The following DST variants were observed in gnomAD, a reference collection of about 807,000 sequenced individuals.
DST encodes the protein dystonin, also known as bullous pemphigoid antigen.
DST carries 253 observed loss-of-function variants against 875.2 expected under a neutral mutation model. That is an observed-to-expected ratio of 0.29 (90% CI 0.26 to 0.32). The LOEUF (loss-of-function observed/expected upper bound fraction) is 0.32, where lower values mean the gene tolerates loss of function less well. Ranked by LOEUF, DST falls within the 10% of genes least tolerant of loss-of-function variation. DST has a pLI of 1.00. For missense variants in DST, 8,287 were observed against 9,111.6 expected (o/e 0.91, Z 3.68); for synonymous variants, 3,124 against 3,197.1 (o/e 0.98, Z 0.77).
At chr6:56,648,201 C>A (rs985793648) in intron 13 of DST, among the ~76,000 whole-genome samples, 10 of 152,042 alleles carry the variant, frequency 6.6e-5, no homozygotes, top group Non-Finnish European at 1.3e-4. Flanking sequence ...CACAGGCACA[C>A]CCCCAATCCA....
intron 9 of DST, among the ~76,000 whole-genome samples, chr6:56,691,196 A>G (rs1206988304): frequency 2.0e-5 from 3 of 152,200 alleles, no homozygotes; most frequent in Non-Finnish European, 4.4e-5. Context: ...GTGAAATTAA[A>G]CCAAGTGCTT....
At chr6:56,658,535 G>C (rs1587966880) in intron 10 of DST, among the ~76,000 whole-genome samples, 1 of 152,334 alleles carries the variant, frequency 6.6e-6, no homozygotes, top group Non-Finnish European at 1.5e-5. Flanking sequence ...AGATTTACGT[G>C]AAAGTAGTTG....
intron 4 of DST, among the ~76,000 whole-genome samples, chr6:56,792,355 A>C (rs962879675): frequency 6.6e-6 from 1 of 152,194 alleles, no homozygotes; most frequent in Non-Finnish European, 1.5e-5. Context: ...GTTTTGGGGG[A>C]ACATGACATG....
intron 4 of DST, among the ~76,000 whole-genome samples, chr6:56,779,280 A>G (rs1272339711): frequency 1.3e-5 from 2 of 152,038 alleles, no homozygotes; most frequent in Non-Finnish European, 2.9e-5. Context: ...GATTCTGGAT[A>G]TTAGCCCTTT....
In DST at chr6:56,843,547, C is replaced by T. The variant is rs1261478321; in HGVS notation, c.625+7850G>A. 5.1e-6 allele frequency: 5 copies of T among 984,046 alleles called. No individual in the cohort carries two copies. The African/African-American group carries it at 5.3e-5, about 10-fold the overall frequency. The allele number at this position is 984,046 out of a possible 1,614,324, so 61.0% of individuals were successfully genotyped here. On this transcript the variant is annotated intron_variant, in intron 4 of 103. Transcript: ENST00000680361. ...GCGGCCGCGCTGACCGCTCTGCTGG[C>T]CCTGCACGAGGCGCGTGCTTCGGGC...
chr6:56,749,376 TG>T (rs2099581202), intron 4 of DST, among the ~76,000 whole-genome samples: 1 of 151,994 alleles, frequency 6.6e-6, no homozygotes, highest in African/African-American at 2.4e-5. Flanking sequence ...AATAAGAGCT[TG>T]GGAGCTCTTG....
In DST at chr6:56,532,438, T is replaced by C. The variant is rs759876990; in HGVS notation, c.17014A>G (p.Thr5672Ala). Residue 5672 changes from threonine (T) to alanine (A), a missense_variant, in exon 64 of 104, where the codon ACA (threonine) becomes GCA (alanine). Around this residue, in one of 10 missense-constraint regions of DST, gnomAD observed 777 missense variants for 764.8 expected, o/e 1.02. Transcript: ENST00000680361. ...ACTTTATCTGCGGGCTCTGCTGTTG[T>C]AGCAATTTTTTCTCCTTCTCGTTTG... Reference protein sequence around the residue: ...VIKREGEKIATTAEPADKVKI... With the variant: ...VIKREGEKIAATAEPADKVKI... 4 of 1,613,006 alleles carry C rather than the reference T, an allele frequency of 2.5e-6. No homozygotes were observed. The highest frequency in any genetic ancestry group is 1.1e-5 in the South Asian group (1 of 90,834).
intron 61 of DST, among the ~76,000 whole-genome samples, chr6:56,551,752 G>A (rs766660148): frequency 9.9e-5 from 15 of 152,166 alleles, no homozygotes; most frequent in Non-Finnish European, 2.1e-4. Flanking sequence ...GTCTGTGGAA[G>A]AAATTAAGAA....
chr6:56,690,251 T>C (rs2099218839), intron 9 of DST, among the ~76,000 whole-genome samples: 1 of 152,204 alleles, frequency 6.6e-6, no homozygotes. Flanking sequence ...CTATTTTGCC[T>C]ATTTCATAGA....
At chr6:56,915,263 T>G (rs1329094154) in intron 2 of DST, among the ~76,000 whole-genome samples, 1 of 152,176 alleles carries the variant, frequency 6.6e-6, no homozygotes, top group Non-Finnish European at 1.5e-5. Context: ...AACGTCCTTC[T>G]CAAGACAAGA....
intron 83 of DST, 149 bp downstream of exon 83, chr6:56,493,861 C>T (rs2095830469): frequency 3.9e-6 from 2 of 514,972 alleles, no homozygotes. Flanking sequence ...TTTTCAACTA[C>T]CCCATGAAAT....
At chr6:56,794,948 T>C (rs2099737071) in intron 4 of DST, among the ~76,000 whole-genome samples, 1 of 152,098 alleles carries the variant, frequency 6.6e-6, no homozygotes, top group Admixed American at 6.6e-5. Context: ...AAGGCTAAGG[T>C]TGAGAAGTCC....
At chr6:56,799,079 C>T (rs1001793391) in intron 4 of DST, among the ~76,000 whole-genome samples, 2 of 152,202 alleles carry the variant, frequency 1.3e-5, no homozygotes, top group African/African-American at 2.4e-5. Flanking sequence ...ACTGTGAACA[C>T]TATTGAAATG....
In DST at chr6:56,640,593, C is replaced by T. The variant is rs763019060; in HGVS notation, c.2040G>A (p.Leu680=). 1 of 1,614,062 alleles carries T rather than the reference C, an allele frequency of 6.2e-7. No homozygotes were observed. The highest frequency in any genetic ancestry group is 8.5e-7 in the Non-Finnish European group (1 of 1,180,008). The part of the protein sequence containing the change: ...ADQLVQRVAK[L]RDEIMALRNE... ...TCCTTAAGGCCATAATTTCGTCACG[C>T]AGTTTTGCAACCCTGAAAAGAAAAT... The change falls in exon 18 of 104, where the codon CTG becomes CTA. Residue 680 remains leucine, a synonymous_variant. Coordinates refer to ENST00000680361, the MANE Select transcript of DST (RefSeq NM_001374736.1).
chr6:56,494,249 T>A, intron 82 of DST, 69 bp from the exon 83 acceptor site: 1 of 1,428,650 alleles, frequency 7.0e-7, no homozygotes, highest in Non-Finnish European at 9.4e-7. Context: ...TTTTTCTAGG[T>A]CATCAGTCCC....
chr6:56,765,438 ACTAGAACTG>A (rs1261462132), intron 4 of DST, among the ~76,000 whole-genome samples: 1 of 152,246 alleles, frequency 6.6e-6, no homozygotes, highest in Non-Finnish European at 1.5e-5. Context: ...TCAGGTAGAA[ACTAGAACTG>A]CCAATGAAGA....
At chr6:56,929,563 T>C (rs1809045804) in intron 2 of DST, among the ~76,000 whole-genome samples, 1 of 152,128 alleles carries the variant, frequency 6.6e-6, no homozygotes, top group African/African-American at 2.4e-5. Context: ...TAGTCATTAC[T>C]TAGATTTCCT....
At chr6:56,681,093 G>A (rs1352017800) in intron 9 of DST, among the ~76,000 whole-genome samples, 4 of 152,064 alleles carry the variant, frequency 2.6e-5, no homozygotes, top group Non-Finnish European at 5.9e-5. Flanking sequence ...CTTAACCACT[G>A]CGCTATATCT....
At chr6:56,844,890 G>C (rs2099805464) in intron 4 of DST, among the ~76,000 whole-genome samples, 2 of 138,656 alleles carry the variant, frequency 1.4e-5, no homozygotes, top group Non-Finnish European at 3.3e-5. Flanking sequence ...AAAAAACAGT[G>C]AAGTCAGGCT....
Sources: allele counts gnomAD v4.1 joint callset (sites outside exome capture counted in the v4.1 genomes callset), GRCh38; gene constraint gnomAD v4.1.1; regional missense constraint gnomAD v4.1.1; transcripts MANE v1.5; gene names NCBI Gene and HGNC (gene_info 2026-07-23, HGNC 2026-07-21).